Variants in RALYL observed in about 807,000 individuals in gnomAD.
RALYL encodes the protein RNA-binding Raly-like protein.
In RALYL, 29 loss-of-function variants were observed where a neutral mutation model predicts 35.1. That is an observed-to-expected ratio of 0.83 (90% CI 0.61 to 1.13). RALYL has a LOEUF of 1.13. RALYL is among the 50% of genes most tolerant of loss of function. RALYL has a pLI of 0.00. For missense variants in RALYL, 359 were observed against 360.4 expected (o/e 1.00, Z 0.03); for synonymous variants, 120 against 127.6 (o/e 0.94, Z 0.40).
intron 2 of RALYL, among the ~76,000 whole-genome samples, chr8:84,618,256 T>TC (rs1325983778): frequency 6.6e-6 from 1 of 151,900 alleles, no homozygotes; most frequent in Admixed American, 6.5e-5. Context: ...TATTGATTAT[T>TC]GCCACAATTT....
At chr8:84,441,202 T>C (rs567557677) in intron 1 of RALYL, among the ~76,000 whole-genome samples, 1 of 152,282 alleles carries the variant, frequency 6.6e-6, no homozygotes, top group East Asian at 1.9e-4. Context: ...AGACTTCACA[T>C]TTTCTTCTTT....
intron 1 of RALYL, among the ~76,000 whole-genome samples, chr8:84,503,811 G>C (rs928770112): frequency 1.3e-5 from 2 of 151,192 alleles, no homozygotes; most frequent in African/African-American, 4.9e-5. Flanking sequence ...TGAGTGCAGT[G>C]AGCCAAGATT....
intron 2 of RALYL, among the ~76,000 whole-genome samples, chr8:84,634,779 G>T (rs1293630522): frequency 3.3e-5 from 5 of 151,652 alleles, no homozygotes; most frequent in Admixed American, 2.6e-4. Context: ...GAACTTCAAG[G>T]AGTTGGAGGA....
At chr8:84,323,783 C>T (rs1242647159) in intron 1 of RALYL, among the ~76,000 whole-genome samples, 1 of 152,104 alleles carries the variant, frequency 6.6e-6, no homozygotes, top group Non-Finnish European at 1.5e-5. Context: ...GATTTCCATC[C>T]TTCATGATCA....
intron 3 of RALYL, among the ~76,000 whole-genome samples, chr8:84,790,869 T>C (rs562473919): frequency 2.6e-5 from 4 of 152,332 alleles, no homozygotes; most frequent in African/African-American, 9.6e-5. Context: ...CCACCTTTGA[T>C]TGGCCAGAAC....
At chr8:84,604,424 C>A (rs867318406) in intron 2 of RALYL, among the ~76,000 whole-genome samples, 26 of 152,124 alleles carry the variant, frequency 1.7e-4, no homozygotes, top group African/African-American at 6.0e-4. Flanking sequence ...AAGTTCCCTC[C>A]GTGCAACTGT....
chr8:84,383,720 G>T (rs1337706611), intron 1 of RALYL, among the ~76,000 whole-genome samples: 1 of 150,524 alleles, frequency 6.6e-6, no homozygotes, highest in African/African-American at 2.4e-5. Flanking sequence ...GGTTAAGGTT[G>T]GGACAACAGC....
chr8:84,367,605 C>G (rs892004839), intron 1 of RALYL, among the ~76,000 whole-genome samples: 4 of 151,710 alleles, frequency 2.6e-5, no homozygotes, highest in Admixed American at 2.0e-4. Flanking sequence ...AATTCAAAGG[C>G]TAGGAAAAGC....
chr8:84,267,229 A>G (rs1285243843), intron 1 of RALYL, among the ~76,000 whole-genome samples: 1 of 152,118 alleles, frequency 6.6e-6, no homozygotes, highest in East Asian at 1.9e-4. Flanking sequence ...ATAGTGATCT[A>G]TGAGTTTTAG....
intron 1 of RALYL, among the ~76,000 whole-genome samples, chr8:84,237,547 A>G (rs1326277580): frequency 6.6e-6 from 1 of 152,182 alleles, no homozygotes; most frequent in Admixed American, 6.5e-5. Context: ...ACATTTTATT[A>G]CACCGAAAAA....
In RALYL at chr8:84,377,462, T is replaced by TGTTTGTTTGTTTGTTTG. The variant is rs201091689; in HGVS notation, c.-23-151837_-23-151836insGTTTGTTTGTTTGTTTG. On this transcript the variant is annotated intron_variant, in intron 1 of 8. Transcript: ENST00000521268. Reference sequence around the variant, plus strand: ...ATCAAAGGTTAACTGTTTTTTTTTTTTTTTTTTTTTTTTCTTAAACTGATC... The same window carrying TGTTTGTTTGTTTGTTTG: ...ATCAAAGGTTAACTGTTTTTTTTTTTGTTTGTTTGTTTGTTTGTTTTTTTTTTTTTCTTAAACTGATC... Among the ~76,000 whole-genome samples the TGTTTGTTTGTTTGTTTG allele has an allele frequency of 1.9e-4, 28 of 146,918 alleles. 3 individuals are homozygous for TGTTTGTTTGTTTGTTTG. The highest frequency in any genetic ancestry group is 7.2e-4 in the African/African-American group (28 of 38,972).
chr8:84,591,646 G>C (rs1370650987), intron 2 of RALYL, among the ~76,000 whole-genome samples: 1 of 152,124 alleles, frequency 6.6e-6, no homozygotes, highest in Admixed American at 6.5e-5. Context: ...TTTCTCACAA[G>C]ACATGCAGAA....
At chr8:84,764,985 C>CA (rs1231499077) in intron 2 of RALYL, among the ~76,000 whole-genome samples, 4 of 152,162 alleles carry the variant, frequency 2.6e-5, no homozygotes, top group African/African-American at 4.8e-5. Context: ...CTTGCTTTTG[C>CA]AACTCTGGTA....
intron 1 of RALYL, among the ~76,000 whole-genome samples, chr8:84,200,518 T>C (rs919067380): frequency 1.2e-4 from 18 of 152,146 alleles, no homozygotes; most frequent in Non-Finnish European, 2.9e-5. Context: ...CTTCATGCAG[T>C]TTTTGCTAAG....
At chr8:84,539,933 C>A (rs2059909235) in intron 2 of RALYL, among the ~76,000 whole-genome samples, 1 of 146,968 alleles carries the variant, frequency 6.8e-6, no homozygotes, top group African/African-American at 2.5e-5. Context: ...TACACACACA[C>A]ACACATGCAC....
intron 1 of RALYL, among the ~76,000 whole-genome samples, chr8:84,209,213 T>C (rs1818836545): frequency 6.6e-6 from 1 of 151,796 alleles, no homozygotes; most frequent in Admixed American, 6.6e-5. Flanking sequence ...ATTGTCTTGC[T>C]GATATTCCCT....
At position 84,506,932 on chromosome 8, in the gene RALYL, A is replaced by G. The variant is rs147684221; in HGVS notation, c.-23-22367A>G. Among the ~76,000 whole-genome samples, 107 of 152,256 alleles carry G rather than the reference A, an allele frequency of 7.0e-4. 2 individuals carry two copies. The East Asian group carries it at 0.02, about 29-fold the overall frequency. On this transcript the variant is annotated intron_variant, in intron 1 of 8. Transcript: ENST00000521268. The stretch of plus-strand genomic sequence containing the variant: ...TTACATCTGAAACCTGTCACGGCAC[A>G]GCCCAATTTAACCATAAATTGTATG...
intron 1 of RALYL, among the ~76,000 whole-genome samples, chr8:84,499,690 T>C (rs1365005853): frequency 6.6e-6 from 1 of 152,052 alleles, no homozygotes; most frequent in South Asian, 2.1e-4. Flanking sequence ...TTAAAACACA[T>C]TGGCATTTCT....
chr8:84,390,714 G>C (rs1034468141), intron 1 of RALYL, among the ~76,000 whole-genome samples: 1 of 151,650 alleles, frequency 6.6e-6, no homozygotes, highest in East Asian at 1.9e-4. Context: ...TTTACTGGAA[G>C]GTGGTTCTTT....
Sources: gnomAD v4.1 joint callset for allele counts (sites outside exome capture counted in the v4.1 genomes callset) on GRCh38, gnomAD v4.1.1 for gene constraint, MANE v1.5 for transcripts, NCBI Gene and HGNC (gene_info 2026-07-23, HGNC 2026-07-21) for gene names.